Variants in MEOX2 observed in about 807,000 individuals in gnomAD.
The protein encoded by MEOX2 is mesenchyme homeobox 2.
In MEOX2, 11 loss-of-function variants were observed where a neutral mutation model predicts 27.0. The ratio of observed to expected loss-of-function variants is 0.41; its 90% CI spans 0.26 to 0.68. MEOX2 has a LOEUF of 0.68. Ranked by LOEUF, MEOX2 falls within the 30% of genes least tolerant of loss-of-function variation. MEOX2 has a pLI of 0.33. For missense variants in MEOX2, 436 were observed against 385.4 expected (o/e 1.13, Z -1.10); for synonymous variants, 189 against 155.4 (o/e 1.22, Z -1.61).
At chr7:15,654,015 T>G (rs1781781224) in intron 1 of MEOX2, among the ~76,000 whole-genome samples, 1 of 151,950 alleles carries the variant, frequency 6.6e-6, no homozygotes, top group South Asian at 2.1e-4. Flanking sequence ...ACATCTTTAC[T>G]ATGTTAAATT....
rs574866548 is a variant in MEOX2, at chr7:15,673,659, G to A, written c.517+12227C>T. ...AAGCAAAACCAACATCAACAAAAAC[G>A]GTCCTAGCTGGTCAATAAAGGTTGT... On this transcript the variant is annotated intron_variant, in intron 1 of 2. Transcript: ENST00000262041. Among the ~76,000 whole-genome samples, 191 of 144,736 alleles carry A rather than the reference G, an allele frequency of 1.3e-3. 5 individuals carry two copies. Among genetic ancestry groups the A allele is most frequent in the Admixed American group, 0.013 (189 of 14,564 alleles). 95.0% of individuals were successfully genotyped at this position (144,736 alleles called of 152,430 possible).
chr7:15,623,584 G>A (rs2115358051), intron 2 of MEOX2, among the ~76,000 whole-genome samples: 1 of 152,250 alleles, frequency 6.6e-6, no homozygotes, highest in South Asian at 2.1e-4. Context: ...TGGCCAGGCT[G>A]GTCTTGAACC....
intron 1 of MEOX2, among the ~76,000 whole-genome samples, chr7:15,669,057 TA>T (rs1246063578): frequency 1.3e-5 from 2 of 152,162 alleles, no homozygotes; most frequent in African/African-American, 4.8e-5. Flanking sequence ...TAATCTAAAG[TA>T]AAAAACAATT....
chr7:15,648,922 G>A (rs946839104), intron 1 of MEOX2, among the ~76,000 whole-genome samples: 4 of 151,968 alleles, frequency 2.6e-5, no homozygotes, highest in Non-Finnish European at 5.9e-5. Flanking sequence ...GAGCAGAAAT[G>A]CCTCACTCCA....
chr7:15,667,022 T>C (rs1372462326), intron 1 of MEOX2, among the ~76,000 whole-genome samples: 1 of 150,708 alleles, frequency 6.6e-6, no homozygotes, highest in Non-Finnish European at 1.5e-5. Flanking sequence ...CTGGGTGCAG[T>C]GGCTCACACC....
At chr7:15,638,096 T>C (rs975016866) in intron 1 of MEOX2, among the ~76,000 whole-genome samples, 58 of 152,238 alleles carry the variant, frequency 3.8e-4, no homozygotes, top group African/African-American at 1.3e-3. Flanking sequence ...TTTTTAGTGA[T>C]CTTGAACTTA....
chr7:15,616,394 G>C (rs1298459672), intron 2 of MEOX2, among the ~76,000 whole-genome samples: 1 of 151,668 alleles, frequency 6.6e-6, no homozygotes, highest in Non-Finnish European at 1.5e-5. Flanking sequence ...AAATGGAGAA[G>C]GATTTTTGGA....
intron 2 of MEOX2, among the ~76,000 whole-genome samples, chr7:15,616,202 T>C (rs1402443830): frequency 6.6e-6 from 1 of 151,830 alleles, no homozygotes; most frequent in Non-Finnish European, 1.5e-5. Flanking sequence ...CTATTTTATT[T>C]AAAACCTAGA....
intron 1 of MEOX2, among the ~76,000 whole-genome samples, chr7:15,670,332 T>G (rs1047631662): frequency 2.0e-5 from 3 of 152,242 alleles, no homozygotes; most frequent in African/African-American, 7.2e-5. Context: ...GGTAAAATAC[T>G]ACTCTTTACA....
intron 1 of MEOX2, chr7:15,668,034 A>G (rs1209073592): frequency 1.3e-5 from 2 of 152,150 alleles, no homozygotes; most frequent in East Asian, 1.9e-4. Context: ...CGTTTTTCTC[A>G]CATCCCGAGT....
chr7:15,674,125 T>C (rs903796399), intron 1 of MEOX2, among the ~76,000 whole-genome samples: 6 of 152,172 alleles, frequency 3.9e-5, no homozygotes, highest in Non-Finnish European at 5.9e-5. Flanking sequence ...TATTATTGAT[T>C]GACATTAGCC....
At position 15,686,251 on chromosome 7, in the gene MEOX2, G is replaced by A. The variant is rs1218862332; in HGVS notation, c.152C>T (p.Ala51Val). 6.2e-7 allele frequency: 1 copy of A among 1,612,952 alleles called. No homozygotes were observed. Among genetic ancestry groups the A allele is most frequent in the Non-Finnish European group, 8.5e-7 (1 of 1,179,490 alleles). ...LSTSSSSCII[A>V]GYPNEEGMFA... ...CATGCCCTCTTCGTTGGGGTATCCC[G>A]CGATTATGCAAGATGAGGAAGAAGT... Residue 51 changes from alanine to valine, a missense_variant, in exon 1 of 3, where the codon GCG becomes GTG. Physicochemically the swap from Ala to Val is moderately conservative, Grantham distance 64. Coordinates refer to ENST00000262041, the MANE Select transcript of MEOX2 (RefSeq NM_005924.5).
chr7:15,686,063 A>T lies in MEOX2; in HGVS notation c.340T>A (p.Ser114Thr). The stretch of plus-strand genomic sequence containing the variant: ...CTCCCCAACTCTGGGGGCCCTCCAG[A>T]GTCGGGCTGGAGGCAGAGGCTGTGC... ...ARHSLCLQPD[S>T]GGPPELGSSP... Residue 114 changes from serine to threonine, a missense_variant, in exon 1 of 3, where the codon TCT becomes ACT. Physicochemically the swap from Ser to Thr is moderately conservative, Grantham distance 58. Transcript: ENST00000262041. The T allele has an allele frequency of 6.3e-7, 1 of 1,599,684 alleles. No individual in the cohort carries two copies. The highest frequency in any genetic ancestry group is 1.1e-5 in the South Asian group (1 of 90,308).
intron 2 of MEOX2, among the ~76,000 whole-genome samples, chr7:15,616,633 C>T (rs1346767367): frequency 1.3e-5 from 2 of 151,688 alleles, no homozygotes; most frequent in Non-Finnish European, 2.9e-5. Context: ...TTATCATCAT[C>T]CAAATGCCTA....
intron 1 of MEOX2, among the ~76,000 whole-genome samples, chr7:15,628,749 T>C (rs188104386): frequency 2.0e-5 from 3 of 152,242 alleles, no homozygotes; most frequent in African/African-American, 4.8e-5. Flanking sequence ...CAATTGCCTC[T>C]AGCTACAGAT....
At chr7:15,616,408 A>G (rs1351767036) in intron 2 of MEOX2, among the ~76,000 whole-genome samples, 2 of 151,818 alleles carry the variant, frequency 1.3e-5, no homozygotes. Context: ...TTTTGGAAAA[A>G]CACACATTTT....
At chr7:15,678,505 T>C (rs1782238413) in intron 1 of MEOX2, among the ~76,000 whole-genome samples, 1 of 152,206 alleles carries the variant, frequency 6.6e-6, no homozygotes, top group South Asian at 2.1e-4. Flanking sequence ...TTGCATTCAT[T>C]GTTAATTTGA....
chr7:15,653,474 T>A (rs1233877937), intron 1 of MEOX2, among the ~76,000 whole-genome samples: 2 of 151,996 alleles, frequency 1.3e-5, no homozygotes, highest in Admixed American at 1.3e-4. Context: ...CAAAAACTTG[T>A]AATTTTGATG....
At chr7:15,643,768 C>G (rs1329505091) in intron 1 of MEOX2, among the ~76,000 whole-genome samples, 1 of 152,180 alleles carries the variant, frequency 6.6e-6, no homozygotes, top group Non-Finnish European at 1.5e-5. Context: ...TCTCTGTTTT[C>G]TAACAATGGG....
Sources: allele counts gnomAD v4.1 joint callset (sites outside exome capture counted in the v4.1 genomes callset), GRCh38; gene constraint gnomAD v4.1.1; transcripts MANE v1.5; gene names NCBI Gene and HGNC (gene_info 2026-07-23, HGNC 2026-07-21).